ARHGAP24: variants seen among roughly 807,000 people sequenced by gnomAD.
ARHGAP24 encodes the protein rho GTPase-activating protein 24.
A neutral mutation model predicts 76.4 loss-of-function variants in ARHGAP24; 50 were observed. The ratio of observed to expected loss-of-function variants is 0.65; its 90% CI spans 0.52 to 0.83. The LOEUF (loss-of-function observed/expected upper bound fraction) is 0.83. Ranked by LOEUF, ARHGAP24 falls within the 40% of genes least tolerant of loss-of-function variation. The pLI is 0.00. For synonymous variants in ARHGAP24, 345 were observed against 323.3 expected (o/e 1.07, Z -0.72); for missense variants, 930 against 914.2 (o/e 1.02, Z -0.22).
chr4:85,979,572 T>TA (rs1164456906), intron 8 of ARHGAP24, among the ~76,000 whole-genome samples: 1 of 152,210 alleles, frequency 6.6e-6, no homozygotes, highest in East Asian at 1.9e-4. Flanking sequence ...ATATACCTGT[T>TA]ATACTTGTTG....
intron 1 of ARHGAP24, among the ~76,000 whole-genome samples, chr4:85,510,319 A>G (rs1440034899): frequency 6.6e-6 from 1 of 152,112 alleles, no homozygotes; most frequent in Non-Finnish European, 1.5e-5. Flanking sequence ...ACCCTGAGGA[A>G]AATATTTGCT....
At chr4:85,872,085 T>C (rs1732557380) in intron 3 of ARHGAP24, among the ~76,000 whole-genome samples, 2 of 151,896 alleles carry the variant, frequency 1.3e-5, no homozygotes, top group Admixed American at 1.3e-4. Context: ...GTGAATTATT[T>C]ACTCAAAATT....
At chr4:85,556,970 A>G (rs1726402968) in intron 1 of ARHGAP24, among the ~76,000 whole-genome samples, 1 of 152,202 alleles carries the variant, frequency 6.6e-6, no homozygotes, top group Admixed American at 6.5e-5. Flanking sequence ...TATGTGGAAC[A>G]CAGTCTTGTC....
At chr4:85,569,588 T>C (rs779339142) in intron 1 of ARHGAP24, among the ~76,000 whole-genome samples, 3 of 152,236 alleles carry the variant, frequency 2.0e-5, no homozygotes, top group Non-Finnish European at 4.4e-5. Flanking sequence ...AAAATATTCC[T>C]CATCATGTCA....
At chr4:85,910,495 G>A (rs1735016548) in intron 3 of ARHGAP24, among the ~76,000 whole-genome samples, 1 of 152,172 alleles carries the variant, frequency 6.6e-6, no homozygotes, top group African/African-American at 2.4e-5. Context: ...CCTTTCCACA[G>A]TCAGGGTGTC....
chr4:85,810,018 C>A (rs59044696), intron 3 of ARHGAP24, among the ~76,000 whole-genome samples: 88 of 152,256 alleles, frequency 5.8e-4, no homozygotes, highest in African/African-American at 2.0e-3. Flanking sequence ...ATTATGAAAT[C>A]ATAAAATTGG....
intron 3 of ARHGAP24, among the ~76,000 whole-genome samples, chr4:85,805,137 A>T (rs1266870796): frequency 1.3e-5 from 2 of 152,196 alleles, no homozygotes; most frequent in Non-Finnish European, 2.9e-5. Flanking sequence ...GGAGAGTCTC[A>T]TAAAAATATA....
At chr4:85,486,095 G>T (rs1424557959) in intron 1 of ARHGAP24, among the ~76,000 whole-genome samples, 1 of 152,060 alleles carries the variant, frequency 6.6e-6, no homozygotes, top group Admixed American at 6.6e-5. Flanking sequence ...TCTGAAAAAT[G>T]GGTATTTGAT....
At chr4:85,835,147 A>G (rs1275659568) in intron 3 of ARHGAP24, among the ~76,000 whole-genome samples, 1 of 152,102 alleles carries the variant, frequency 6.6e-6, no homozygotes, top group Non-Finnish European at 1.5e-5. Flanking sequence ...CTAGTGAGTG[A>G]GATTAGCATA....
chr4:85,743,473 C>A (rs1725904397), intron 3 of ARHGAP24, among the ~76,000 whole-genome samples: 2 of 139,132 alleles, frequency 1.4e-5, no homozygotes. Flanking sequence ...GAGGGTGAGG[C>A]AGGAGGATCA....
At chr4:85,610,224 A>T (rs1051202726) in intron 2 of ARHGAP24, among the ~76,000 whole-genome samples, 2 of 151,980 alleles carry the variant, frequency 1.3e-5, no homozygotes, top group Non-Finnish European at 2.9e-5. Flanking sequence ...CAGGCGGATC[A>T]CGAGGTCAGG....
intron 1 of ARHGAP24, among the ~76,000 whole-genome samples, chr4:85,499,586 C>G (rs1019246514): frequency 1.3e-5 from 2 of 152,204 alleles, no homozygotes; most frequent in African/African-American, 4.8e-5. Context: ...TAGCCTGCAG[C>G]CTTGGTGGGG....
chr4:85,527,312 A>T (rs1725048460), intron 1 of ARHGAP24, among the ~76,000 whole-genome samples: 2 of 152,090 alleles, frequency 1.3e-5, no homozygotes, highest in African/African-American at 2.4e-5. Context: ...GTTTTATTTG[A>T]TTATCAAACT....
At chr4:85,789,617 T>C (rs1728026320) in intron 3 of ARHGAP24, among the ~76,000 whole-genome samples, 1 of 152,180 alleles carries the variant, frequency 6.6e-6, no homozygotes. Context: ...GCGTATTATA[T>C]TGCAAACCTA....
At position 86,000,646 on chromosome 4, in the gene ARHGAP24, A is replaced by G; in HGVS notation, c.2171A>G (p.Gln724Arg). ...RNDMLQKEMEQFFSTFGELTV... is the reference protein window; with the variant it reads ...RNDMLQKEMERFFSTFGELTV... ...GACATGCTACAGAAAGAAATGGAGC[A>G]GTTTTTTTCCACGTTTGGAGAACTG... is the stretch of plus-strand genomic sequence containing the variant. The change falls in exon 10 of 10, where the codon CAG (glutamine) becomes CGG (arginine). Residue 724 changes from glutamine (Q) to arginine (R), a missense_variant. Physicochemically the swap from Gln to Arg is conservative, Grantham distance 43. Coordinates refer to ENST00000395184, the MANE Select transcript of ARHGAP24 (RefSeq NM_001025616.3). 1 of 1,614,074 alleles carries G rather than the reference A, an allele frequency of 6.2e-7. No homozygotes were observed. The highest frequency in any genetic ancestry group is 8.5e-7 in the Non-Finnish European group (1 of 1,179,970).
chr4:85,962,291 G>A (rs1002930370), intron 5 of ARHGAP24, among the ~76,000 whole-genome samples: 1 of 152,072 alleles, frequency 6.6e-6, no homozygotes, highest in Admixed American at 6.6e-5. Flanking sequence ...TAGGAAAATA[G>A]TGTACCCAGC....
chr4:85,957,687 G>C (rs1461211921), intron 5 of ARHGAP24, among the ~76,000 whole-genome samples: 1 of 152,118 alleles, frequency 6.6e-6, no homozygotes, highest in African/African-American at 2.4e-5. Context: ...TAAATGCTTG[G>C]CTTCTTCTCT....
At chr4:85,852,848 C>T (rs527731741) in intron 3 of ARHGAP24, among the ~76,000 whole-genome samples, 68 of 152,318 alleles carry the variant, frequency 4.5e-4, no homozygotes, top group Admixed American at 2.3e-3. Flanking sequence ...CTGGAAGCAT[C>T]GTCCCAGAGG....
At chr4:85,906,517 A>T (rs1734774829) in intron 3 of ARHGAP24, among the ~76,000 whole-genome samples, 1 of 152,178 alleles carries the variant, frequency 6.6e-6, no homozygotes, top group African/African-American at 2.4e-5. Context: ...TGTTATAAAA[A>T]TATTATTTAT....
Sources: gnomAD v4.1 joint callset for allele counts (sites outside exome capture counted in the v4.1 genomes callset) on GRCh38, gnomAD v4.1.1 for gene constraint, MANE v1.5 for transcripts, NCBI Gene and HGNC (gene_info 2026-07-23, HGNC 2026-07-21) for gene names.